The following NMBR variants were observed in gnomAD, a reference collection of about 807,000 sequenced individuals.
The protein encoded by NMBR is neuromedin-B receptor.
NMBR carries 16 observed loss-of-function variants against 20.5 expected under a neutral mutation model. The observed-to-expected ratio is 0.78, with a 90% confidence interval of 0.53 to 1.19. The LOEUF is 1.19. Ranked by LOEUF, NMBR falls within the 50% of genes most tolerant of loss-of-function variation. The pLI, the probability that NMBR is intolerant of heterozygous loss-of-function variation, is 0.00. For missense variants in NMBR, 582 were observed against 499.1 expected (o/e 1.17, Z -1.58); for synonymous variants, 212 against 196.6 (o/e 1.08, Z -0.65).
chr6:142,112,475 G>A (rs1009748367), intron 1 of NMBR, among the ~76,000 whole-genome samples: 5 of 152,046 alleles, frequency 3.3e-5, no homozygotes, highest in African/African-American at 4.8e-5. Flanking sequence ...TTAATATAAA[G>A]CATGGATTGG....
intron 1 of NMBR, among the ~76,000 whole-genome samples, chr6:142,096,578 G>A (rs1337217188): frequency 1.3e-5 from 2 of 151,810 alleles, no homozygotes; most frequent in African/African-American, 2.4e-5. Context: ...TGCTGAGGAG[G>A]GCTTTACTTC....
chr6:142,094,058 T>C (rs1353466197), intron 1 of NMBR, among the ~76,000 whole-genome samples: 1 of 152,100 alleles, frequency 6.6e-6, no homozygotes, highest in Non-Finnish European at 1.5e-5. Context: ...TAGCCCTTTG[T>C]CAGGTGAGTA....
chr6:142,137,855 A>G (rs1056260273), intron 1 of NMBR, among the ~76,000 whole-genome samples: 1 of 152,148 alleles, frequency 6.6e-6, no homozygotes, highest in Admixed American at 6.6e-5. Flanking sequence ...CCACTTGATC[A>G]TGGTGGATAT....
At chr6:142,126,025 T>C (rs1041467870) in intron 1 of NMBR, among the ~76,000 whole-genome samples, 1 of 151,874 alleles carries the variant, frequency 6.6e-6, no homozygotes, top group African/African-American at 2.4e-5. Context: ...TGAAACTTTC[T>C]AGTCTTTGAC....
chr6:142,079,154 G>GAAAAAGAA (rs1562390312), intron 2 of NMBR, among the ~76,000 whole-genome samples: 4 of 76,546 alleles, frequency 5.2e-5, no homozygotes, highest in African/African-American at 2.1e-4. Flanking sequence ...AAAGAAGAGA[G>GAAAAAGAA]GAGAGGAGAG....
intron 1 of NMBR, among the ~76,000 whole-genome samples, chr6:142,100,713 G>T (rs1777543903): frequency 6.6e-6 from 1 of 152,152 alleles, no homozygotes; most frequent in Admixed American, 6.6e-5. Flanking sequence ...TAATCATGAT[G>T]TCTCAATATA....
chr6:142,126,262 T>TCTCTCTCC (rs61656980), intron 1 of NMBR, among the ~76,000 whole-genome samples: 3 of 128,126 alleles, frequency 2.3e-5, no homozygotes, highest in African/African-American at 8.1e-5. Context: ...TCTCTCTCTC[T>TCTCTCTCC]GTGTGTGTGT....
At chr6:142,090,179 C>G (rs1252846659) in intron 1 of NMBR, among the ~76,000 whole-genome samples, 1 of 152,008 alleles carries the variant, frequency 6.6e-6, no homozygotes, top group African/African-American at 2.4e-5. Flanking sequence ...GAAATGGTGG[C>G]TCAGTTCTGG....
At chr6:142,111,283 A>G (rs1290850700) in intron 1 of NMBR, among the ~76,000 whole-genome samples, 1 of 151,958 alleles carries the variant, frequency 6.6e-6, no homozygotes, top group Non-Finnish European at 1.5e-5. Flanking sequence ...CACTGAAATC[A>G]CTGAGACACA....
chr6:142,118,669 T>C (rs1034674522), intron 1 of NMBR, among the ~76,000 whole-genome samples: 20 of 152,098 alleles, frequency 1.3e-4, no homozygotes, highest in African/African-American at 4.8e-4. Context: ...ATAGAAAACA[T>C]TTACAGACTT....
intron 1 of NMBR, among the ~76,000 whole-genome samples, chr6:142,122,456 T>C (rs1385547931): frequency 2.0e-5 from 3 of 151,966 alleles, no homozygotes; most frequent in Non-Finnish European, 4.4e-5. Context: ...GTAGAAGCTA[T>C]AGCAAGTTAT....
intron 1 of NMBR, among the ~76,000 whole-genome samples, chr6:142,119,524 T>C (rs939656845): frequency 1.3e-5 from 2 of 151,962 alleles, no homozygotes; most frequent in African/African-American, 2.4e-5. Flanking sequence ...CAAACTCATC[T>C]TCAACATAAC....
intron 1 of NMBR, among the ~76,000 whole-genome samples, chr6:142,108,286 G>A (rs777660870): frequency 2.0e-5 from 3 of 151,936 alleles, no homozygotes; most frequent in Non-Finnish European, 4.4e-5. Flanking sequence ...ACATATCAAA[G>A]TAAAAATATT....
intron 1 of NMBR, among the ~76,000 whole-genome samples, chr6:142,138,750 C>G (rs1778315352): frequency 6.6e-6 from 1 of 152,132 alleles, no homozygotes; most frequent in African/African-American, 2.4e-5. Flanking sequence ...TCCTATTTTT[C>G]CTGCAACTTT....
At chr6:142,139,949 G>A (rs1354760235) in intron 1 of NMBR, among the ~76,000 whole-genome samples, 1 of 152,058 alleles carries the variant, frequency 6.6e-6, no homozygotes, top group Non-Finnish European at 1.5e-5. Flanking sequence ...TTCATAAAAA[G>A]CTCTTTGGTG....
rs1373133866 is a variant in NMBR at position 142,075,164 on chromosome 6, C to T, written c.*484G>A. Among the ~76,000 whole-genome samples, 3 of 151,804 alleles carry T rather than the reference C, an allele frequency of 2.0e-5. No individual in the cohort carries two copies. The highest frequency in any genetic ancestry group is 4.4e-5 in the Non-Finnish European group (3 of 67,946). ...GTGAATTGAATGAAATTCACCAGGA[C>T]AATCTGACTTGTATTTCAAATAATA... On this transcript the variant is annotated 3_prime_UTR_variant, in exon 4 of 4. Transcript: ENST00000258042.
intron 1 of NMBR, among the ~76,000 whole-genome samples, chr6:142,125,178 A>T (rs1778008424): frequency 6.6e-6 from 1 of 151,764 alleles, no homozygotes; most frequent in Non-Finnish European, 1.5e-5. Context: ...TGAGTACCTA[A>T]ATTGACCTCT....
chr6:142,079,020 G>A (rs1186864446), intron 2 of NMBR, 117 bp from the exon 3 acceptor site: 8 of 577,392 alleles, frequency 1.4e-5, no homozygotes, highest in East Asian at 8.8e-5. Context: ...AAGAAAGGGA[G>A]AGAGAGAGAA....
chr6:142,120,092 A>T (rs1777919085), intron 1 of NMBR, among the ~76,000 whole-genome samples: 1 of 152,004 alleles, frequency 6.6e-6, no homozygotes, highest in Admixed American at 6.6e-5. Context: ...TCTTAAGAAC[A>T]TTATTGAGAA....
Sources: allele counts gnomAD v4.1 joint callset (sites outside exome capture counted in the v4.1 genomes callset), GRCh38; gene constraint gnomAD v4.1.1; transcripts MANE v1.5; gene names NCBI Gene and HGNC (gene_info 2026-07-23, HGNC 2026-07-21).